The following GNAQ variants were observed in gnomAD, a reference collection of about 807,000 sequenced individuals.
GNAQ encodes guanine nucleotide-binding protein G(q) subunit alpha.
A neutral mutation model predicts 43.9 loss-of-function variants in GNAQ; 8 were observed. That is an observed-to-expected ratio of 0.18 (90% CI 0.11 to 0.33). The LOEUF (loss-of-function observed/expected upper bound fraction) is 0.33, where lower values mean the gene tolerates loss of function less well. GNAQ is among the 10% of genes least tolerant of loss of function. The pLI is 1.00. For synonymous variants in GNAQ, 155 were observed against 170.7 expected, an observed-to-expected ratio of 0.91 and a Z score of 0.71; for missense variants, 158 against 450.8, an observed-to-expected ratio of 0.35 and a Z score of 5.88.
chr9:77,727,111 A>C (rs1825409387), intron 6 of GNAQ, among the ~76,000 whole-genome samples: 1 of 146,812 alleles, frequency 6.8e-6, no homozygotes, highest in South Asian at 2.2e-4. Flanking sequence ...TTTTTGAGAC[A>C]GGGTCTCCCA....
intron 2 of GNAQ, among the ~76,000 whole-genome samples, chr9:77,825,400 G>C (rs952132405): frequency 6.6e-6 from 1 of 152,130 alleles, no homozygotes; most frequent in African/African-American, 2.4e-5. Context: ...CCTACTCACA[G>C]AAGTGTGGTG....
chr9:77,809,205 G>A (rs149539212), intron 3 of GNAQ, among the ~76,000 whole-genome samples: 3 of 152,238 alleles, frequency 2.0e-5, no homozygotes, highest in Non-Finnish European at 4.4e-5. Flanking sequence ...TACGGGCTCC[G>A]GATCATGTGG....
chr9:77,870,569 G>A (rs931272209), intron 2 of GNAQ, among the ~76,000 whole-genome samples: 1 of 151,664 alleles, frequency 6.6e-6, no homozygotes, highest in Non-Finnish European at 1.5e-5. Context: ...CTCGTGATCC[G>A]CCCGCCTTGC....
chr9:77,975,689 A>C (rs1468907108), intron 1 of GNAQ, among the ~76,000 whole-genome samples: 1 of 151,762 alleles, frequency 6.6e-6, no homozygotes, highest in Non-Finnish European at 1.5e-5. Context: ...ACACGCGCAC[A>C]CCACCATGCC....
chr9:77,759,193 G>A (rs1825950657), intron 5 of GNAQ, among the ~76,000 whole-genome samples: 1 of 152,124 alleles, frequency 6.6e-6, no homozygotes, highest in Non-Finnish European at 1.5e-5. Flanking sequence ...GGCAAATTGT[G>A]ACTATCAATA....
chr9:77,783,411 G>T (rs772786132), intron 5 of GNAQ, among the ~76,000 whole-genome samples: 1 of 151,988 alleles, frequency 6.6e-6, no homozygotes, highest in Non-Finnish European at 1.5e-5. Context: ...GTACTTTTTG[G>T]GTATATGAAT....
chr9:77,724,194 CT>C (rs957412529), intron 6 of GNAQ, among the ~76,000 whole-genome samples: 1 of 149,852 alleles, frequency 6.7e-6, no homozygotes, highest in South Asian at 2.1e-4. Context: ...CAATAAGAAA[CT>C]TTTTTTTTTC....
At chr9:77,956,556 T>C (rs1304539835) in intron 1 of GNAQ, among the ~76,000 whole-genome samples, 2 of 152,190 alleles carry the variant, frequency 1.3e-5, no homozygotes, top group East Asian at 1.9e-4. Flanking sequence ...TGCAACCCTC[T>C]TGGATTAGCA....
intron 2 of GNAQ, among the ~76,000 whole-genome samples, chr9:77,850,669 G>A (rs1827661149): frequency 6.6e-6 from 1 of 152,136 alleles, no homozygotes; most frequent in South Asian, 2.1e-4. Flanking sequence ...AATCTTAGCA[G>A]TCACTCAGAC....
At position 77,856,885 on chromosome 9, in the gene GNAQ, T is replaced by C. The variant is rs187170030; in HGVS notation, c.322-41115A>G. Reference sequence around the variant, plus strand: ...ATTTAACATGACCTGGTACCAGCAGTTCTCTTAAATATTTGTTTGTTTAGC... The same window carrying C: ...ATTTAACATGACCTGGTACCAGCAGCTCTCTTAAATATTTGTTTGTTTAGC... On this transcript the variant is annotated intron_variant, in intron 2 of 6. Coordinates refer to ENST00000286548, the MANE Select transcript of GNAQ (RefSeq NM_002072.5). Among the ~76,000 whole-genome samples, 3 of 152,192 alleles carry C rather than the reference T, an allele frequency of 2.0e-5. No individual in the cohort carries two copies. The East Asian group carries it at 5.8e-4, about 29-fold the overall frequency.
In GNAQ at chr9:77,728,228, C is replaced by T. The variant is rs866903529; in HGVS notation, c.889+286G>A. ...CAGGATGGTCTCGATCGCTTGACCTCGTGATCCGCCTGCCTCGGCCTCCCA... is the reference window on the plus strand; with the variant it reads ...CAGGATGGTCTCGATCGCTTGACCTTGTGATCCGCCTGCCTCGGCCTCCCA... On this transcript the variant is annotated intron_variant, in intron 6 of 6. Coordinates refer to ENST00000286548, the MANE Select transcript of GNAQ (RefSeq NM_002072.5). 2.6e-5 allele frequency among the ~76,000 whole-genome samples: 4 copies of T among 152,216 alleles called. No individual in the cohort carries two copies. In the East Asian group the frequency reaches 5.8e-4, roughly 22 times the overall value.
At chr9:77,928,399 A>G (rs956616133) in intron 1 of GNAQ, among the ~76,000 whole-genome samples, 1 of 152,236 alleles carries the variant, frequency 6.6e-6, no homozygotes, top group Non-Finnish European at 1.5e-5. Context: ...TAGTATAACC[A>G]ACTACAAGTG....
chr9:77,787,718 T>A (rs879373414), intron 5 of GNAQ, among the ~76,000 whole-genome samples: 1 of 151,720 alleles, frequency 6.6e-6, no homozygotes, highest in Non-Finnish European at 1.5e-5. Flanking sequence ...AATGAGTGAG[T>A]TGATCACATT....
chr9:78,024,133 A>G (rs1823946939), intron 1 of GNAQ, among the ~76,000 whole-genome samples: 1 of 152,220 alleles, frequency 6.6e-6, no homozygotes, highest in Non-Finnish European at 1.5e-5. Flanking sequence ...ACAGCTTTCC[A>G]TTGGAACAGC....
chr9:78,031,011 G>A (rs1462239154), intron 1 of GNAQ, 89 bp downstream of exon 1: 9 of 977,594 alleles, frequency 9.2e-6, no homozygotes, highest in East Asian at 6.8e-5. Context: ...GGCGCCGGGG[G>A]GCGGGGGCGC....
chr9:77,827,880 C>G (rs1046408034), intron 2 of GNAQ, among the ~76,000 whole-genome samples: 1 of 150,650 alleles, frequency 6.6e-6, no homozygotes, highest in African/African-American at 2.4e-5. Context: ...AGAAAGAAAA[C>G]AAACCCCGTC....
At chr9:77,928,291 A>T (rs17786974) in intron 1 of GNAQ, among the ~76,000 whole-genome samples, 10,759 of 152,274 alleles carry the variant, frequency 0.071, 473 homozygotes, top group South Asian at 0.11. Context: ...CTGTCTGTTG[A>T]GGGCAAGAGT....
At chr9:77,993,214 T>C (rs1453135552) in intron 1 of GNAQ, among the ~76,000 whole-genome samples, 1 of 152,188 alleles carries the variant, frequency 6.6e-6, no homozygotes, top group Non-Finnish European at 1.5e-5. Context: ...TTCTCTCTAA[T>C]GGAGAAATAT....
intron 5 of GNAQ, among the ~76,000 whole-genome samples, chr9:77,770,842 G>A (rs1826212026): frequency 1.3e-5 from 2 of 152,094 alleles, no homozygotes; most frequent in Admixed American, 1.3e-4. Context: ...AGCACCAGGC[G>A]ATTTGGAAAT....
Sources: allele counts gnomAD v4.1 joint callset (sites outside exome capture counted in the v4.1 genomes callset), GRCh38; gene constraint gnomAD v4.1.1; transcripts MANE v1.5; gene names NCBI Gene and HGNC (gene_info 2026-07-23, HGNC 2026-07-21).